The following ZNF519 variants were observed in gnomAD, a reference collection of about 807,000 sequenced individuals.
ZNF519 encodes zinc finger protein 519.
Under a neutral mutation model 7.4 loss-of-function variants are expected in ZNF519, and 7 were observed. The observed-to-expected ratio is 0.94, with a 90% CI of 0.54 to 1.77. ZNF519 has a LOEUF of 1.77. ZNF519 is among the 40% of genes most tolerant of loss of function. ZNF519 has a pLI of 0.00. For synonymous variants in ZNF519, 179 were observed against 203.3 expected (o/e 0.88, Z 1.02); for missense variants, 586 against 623.1 (o/e 0.94, Z 0.63).
At chr18:14,078,740 T>TA (rs11372348) in intron 3 of ZNF519, among the ~76,000 whole-genome samples, 10,431 of 152,152 alleles carry the variant, frequency 0.069, 1,180 homozygotes, top group African/African-American at 0.24. Context: ...AGAATGCAAG[T>TA]AGATTCAGCA....
chr18:14,091,323 C>T (rs957696672), intron 2 of ZNF519, among the ~76,000 whole-genome samples: 2 of 152,138 alleles, frequency 1.3e-5, no homozygotes, highest in Non-Finnish European at 2.9e-5. Context: ...CCCCCATTTC[C>T]TGTCAAAATC....
intron 2 of ZNF519, among the ~76,000 whole-genome samples, chr18:14,119,518 A>G (rs914554871): frequency 4.6e-5 from 7 of 152,236 alleles, no homozygotes; most frequent in Non-Finnish European, 8.8e-5. Flanking sequence ...CTGTTTGTAG[A>G]TGATATGATC....
downstream of ZNF519, among the ~76,000 whole-genome samples, chr18:14,096,395 A>G (rs2143107168): frequency 6.6e-6 from 1 of 152,326 alleles, no homozygotes; most frequent in Non-Finnish European, 1.5e-5. Flanking sequence ...TTTCTGCAGG[A>G]AGATGAACAC....
At position 14,101,749 on chromosome 18, in the gene ZNF519, C is replaced by A; in HGVS notation, c.*3168G>T. 2.5e-6 allele frequency: 1 copy of A among 398,664 alleles called. No homozygotes were observed. 24.7% of individuals were successfully genotyped at this position (398,664 alleles called of 1,614,324 possible). A position where few individuals can be genotyped will look rare whatever the true frequency, so the allele number is the denominator to read the frequency against. Reference sequence around the variant, plus strand: ...CAGGGAGATGAAGTGTCCATCAGTTCTTTGATGATGTTCTGTGTGGAGCTC... The same window carrying A: ...CAGGGAGATGAAGTGTCCATCAGTTATTTGATGATGTTCTGTGTGGAGCTC... On this transcript the variant is annotated 3_prime_UTR_variant, in exon 3 of 3. Transcript: ENST00000590202.
At chr18:14,092,038 C>T (rs959376534) in intron 2 of ZNF519, among the ~76,000 whole-genome samples, 1 of 152,088 alleles carries the variant, frequency 6.6e-6, no homozygotes, top group Non-Finnish European at 1.5e-5. Flanking sequence ...AGGTCAGGAG[C>T]TGCTGTGTGT....
intron 2 of ZNF519, 55 bp from the exon 3 acceptor site, chr18:14,106,464 C>A: frequency 7.0e-7 from 1 of 1,427,112 alleles, no homozygotes; most frequent in Non-Finnish European, 9.3e-7. Flanking sequence ...GTTGAATATA[C>A]TTTACAAATC....
rs2046179484 is a variant in ZNF519 at position 14,104,817 on chromosome 18, TAC to T, written c.*98_*99del. 7 of 1,272,120 alleles carry T rather than the reference TAC, an allele frequency of 5.5e-6. No individual in the cohort carries two copies. In the Admixed American group the frequency reaches 1.6e-4, roughly 28 times the overall value. 78.8% of individuals were successfully genotyped at this position (1,272,120 alleles called of 1,614,324 possible). ...TTCATTTTGATGTTTCAAAAATCAT[TAC>T]ACATATGGGATTTCTATCCAGTATT... On this transcript the variant is annotated 3_prime_UTR_variant, in exon 3 of 3. Coordinates refer to ENST00000590202, the MANE Select transcript of ZNF519 (RefSeq NM_145287.4).
downstream of ZNF519, among the ~76,000 whole-genome samples, chr18:14,095,607 C>T (rs960717866): frequency 6.6e-6 from 1 of 152,170 alleles, no homozygotes; most frequent in Admixed American, 6.5e-5. Context: ...ACTGTGTCAC[C>T]AGAGCTGCGG....
chr18:14,082,418 G>A (rs1040734343), intron 3 of ZNF519: 10 of 152,146 alleles, frequency 6.6e-5, no homozygotes, highest in Non-Finnish European at 7.4e-5. Context: ...TAGATTCACC[G>A]AACTATTTTT....
At chr18:14,088,746 ATTACT>A (rs1396160332) in intron 2 of ZNF519, among the ~76,000 whole-genome samples, 2 of 152,184 alleles carry the variant, frequency 1.3e-5, no homozygotes, top group South Asian at 2.1e-4. Flanking sequence ...AATCACCATA[ATTACT>A]TTAATTTCTT....
In ZNF519 at chr18:14,106,186, G is replaced by C. The variant is rs767054648; in HGVS notation, c.354C>G (p.Asp118Glu). The change falls in exon 3 of 3, where the codon GAC becomes GAG. Residue 118 changes from aspartate to glutamate, a missense_variant. Coordinates refer to ENST00000590202, the MANE Select transcript of ZNF519 (RefSeq NM_145287.4). The stretch of plus-strand genomic sequence containing the variant: ...TCTTCTGAAATATTCTATATTCTTT[G>C]TCTCCTTTCACAGTTAAATGTTTGT... ...SHNKHLTVKG[D>E]KEYRIFQKKP... 1 of 1,612,522 alleles carries C rather than the reference G, an allele frequency of 6.2e-7. No homozygotes were observed. The highest frequency in any genetic ancestry group is 1.1e-5 in the South Asian group (1 of 90,780).
rs539147832 is a variant in ZNF519, at chr18:14,076,791, C to T, written c.*1012G>A. 5.9e-5 allele frequency: 9 copies of T among 152,090 alleles called. No individual in the cohort carries two copies. The South Asian group carries it at 1.7e-3, about 28-fold the overall frequency. The allele number at this position is 152,090 out of a possible 1,614,324, so 9.4% of individuals were successfully genotyped here. On this transcript the variant is annotated 3_prime_UTR_variant and NMD_transcript_variant, in exon 5 of 5. Transcript: ENST00000587419. ...AAGATCTTGACCTTTTTTAAAAATACAAAAATCTACAGAAAAGTTACCCTT... is the reference window on the plus strand; with the variant it reads ...AAGATCTTGACCTTTTTTAAAAATATAAAAATCTACAGAAAAGTTACCCTT...
At chr18:14,089,526 G>A (rs1196365046) in intron 2 of ZNF519, among the ~76,000 whole-genome samples, 1 of 148,402 alleles carries the variant, frequency 6.7e-6, no homozygotes. Context: ...ACTGTACACT[G>A]TGATTTATTT....
At chr18:14,083,440 C>A (rs16941560) in intron 3 of ZNF519, among the ~76,000 whole-genome samples, 1 of 151,998 alleles carries the variant, frequency 6.6e-6, no homozygotes, top group African/African-American at 2.4e-5. Flanking sequence ...AAGGTTTCCA[C>A]GGGATGGATA....
At chr18:14,125,473 C>G (rs1232540392) in intron 1 of ZNF519, among the ~76,000 whole-genome samples, 1 of 152,096 alleles carries the variant, frequency 6.6e-6, no homozygotes, top group African/African-American at 2.4e-5. Context: ...AATGCAGGGC[C>G]TGCCATTTCT....
At chr18:14,084,039 G>T (rs2046080306) in intron 3 of ZNF519, among the ~76,000 whole-genome samples, 1 of 152,012 alleles carries the variant, frequency 6.6e-6, no homozygotes, top group Non-Finnish European at 1.5e-5. Flanking sequence ...CATTTCACTG[G>T]GTCACAGTGA....
rs1219521437 is a variant in ZNF519, at chr18:14,101,341, G to C, written c.*3576C>G. The C allele has an allele frequency of 6.8e-5, 13 of 192,268 alleles. No homozygotes were observed. The highest frequency in any genetic ancestry group is 3.0e-4 in the Admixed American group (5 of 16,454). 11.9% of individuals were successfully genotyped at this position (192,268 alleles called of 1,614,324 possible). The stretch of plus-strand genomic sequence containing the variant: ...TAGGGCTGATTTATTTCCGCACTCA[G>C]AGGGATAAAGGGGGGCCAATTAAAA... On this transcript the variant is annotated 3_prime_UTR_variant, in exon 3 of 3. Coordinates refer to ENST00000590202, the MANE Select transcript of ZNF519 (RefSeq NM_145287.4).
chr18:14,090,221 A>T (rs1009800272), intron 2 of ZNF519: 1 of 152,250 alleles, frequency 6.6e-6, no homozygotes, highest in African/African-American at 2.4e-5. Flanking sequence ...GATTGAGGAT[A>T]AATACCAACT....
At chr18:14,108,341 A>G (rs904645652) in intron 2 of ZNF519, among the ~76,000 whole-genome samples, 2 of 152,120 alleles carry the variant, frequency 1.3e-5, no homozygotes, top group African/African-American at 4.8e-5. Context: ...TCTCTCTATT[A>G]GTTCTTTGAG....
Sources: gnomAD v4.1 joint callset for allele counts (sites outside exome capture counted in the v4.1 genomes callset) on GRCh38, gnomAD v4.1.1 for gene constraint, MANE v1.5 for transcripts, NCBI Gene and HGNC (gene_info 2026-07-23, HGNC 2026-07-21) for gene names.